The following NEIL3 variants were observed in gnomAD, a reference collection of about 807,000 sequenced individuals.
NEIL3 encodes the protein nei like DNA glycosylase 3.
Under a neutral mutation model 57.5 loss-of-function variants are expected in NEIL3, and 48 were observed. The observed-to-expected ratio is 0.83, with a 90% CI of 0.66 to 1.06. The LOEUF is 1.06. Ranked by LOEUF, NEIL3 falls within the 50% of genes least tolerant of loss-of-function variation. NEIL3 has a pLI of 0.00. For synonymous variants in NEIL3, 261 were observed against 253.2 expected (o/e 1.03, Z -0.29); for missense variants, 717 against 739.1 (o/e 0.97, Z 0.35).
chr4:177,339,559 T>C (rs943166432), intron 4 of NEIL3, among the ~76,000 whole-genome samples: 1 of 152,112 alleles, frequency 6.6e-6, no homozygotes, highest in African/African-American at 2.4e-5. Context: ...ATTGAATAGA[T>C]TGAGGAGGAA....
chr4:177,365,026 A>G (rs754474243), downstream of NEIL3, among the ~76,000 whole-genome samples: 2 of 152,194 alleles, frequency 1.3e-5, no homozygotes, highest in Non-Finnish European at 2.9e-5. Context: ...TGAGATAAAT[A>G]CATCAACACT....
At chr4:177,326,517 T>A (rs1480004907) in intron 2 of NEIL3, among the ~76,000 whole-genome samples, 1 of 152,140 alleles carries the variant, frequency 6.6e-6, no homozygotes, top group African/African-American at 2.4e-5. Context: ...TTTATTCTTT[T>A]TTTTTTTCAA....
intron 2 of NEIL3, among the ~76,000 whole-genome samples, chr4:177,335,338 A>G (rs1560913275): frequency 6.6e-6 from 1 of 152,190 alleles, no homozygotes; most frequent in African/African-American, 2.4e-5. Context: ...ATCTGAGAAA[A>G]TGCCAAGAGA....
At chr4:177,325,655 C>T (rs1734766757) in intron 2 of NEIL3, among the ~76,000 whole-genome samples, 1 of 151,982 alleles carries the variant, frequency 6.6e-6, no homozygotes, top group Non-Finnish European at 1.5e-5. Flanking sequence ...AGTGGTGGTA[C>T]CATTTTACAT....
intron 9 of NEIL3, among the ~76,000 whole-genome samples, chr4:177,361,166 G>A (rs1333436172): frequency 6.6e-5 from 10 of 152,154 alleles, no homozygotes; most frequent in Admixed American, 6.5e-4. Flanking sequence ...TGGCACCATA[G>A]CAATTTAGCT....
At chr4:177,336,017 TAA>T in intron 3 of NEIL3, 89 bp from the exon 4 acceptor site, 1 of 1,141,298 alleles carries the variant, frequency 8.8e-7, no homozygotes, top group Non-Finnish European at 1.3e-6. Flanking sequence ...CTGATTAACA[TAA>T]AGTGCTTATA....
intron 2 of NEIL3, among the ~76,000 whole-genome samples, chr4:177,332,930 A>G (rs966869655): frequency 1.3e-5 from 2 of 152,114 alleles, no homozygotes; most frequent in African/African-American, 4.8e-5. Context: ...AAGAAAATGT[A>G]TGATTTTGTA....
chr4:177,339,825 A>G lies in NEIL3; in HGVS notation c.670A>G (p.Met224Val). The G allele has an allele frequency of 9.9e-6, 16 of 1,613,868 alleles. No individual in the cohort carries two copies. The highest frequency in any genetic ancestry group is 1.3e-5 in the Non-Finnish European group (15 of 1,179,784). Reference protein sequence around the residue: ...TDEQIHHLMKMIRDFSILFYR... With the variant: ...TDEQIHHLMKVIRDFSILFYR... ...TGAACAGATCCATCACCTCATGAAA[A>G]TGATACGTGATTTCAGCATTCTCTT... is the stretch of plus-strand genomic sequence containing the variant. Residue 224 changes from methionine to valine, a missense_variant, in exon 5 of 10, where the codon ATG (methionine) becomes GTG (valine). Coordinates refer to ENST00000264596, the MANE Select transcript of NEIL3 (RefSeq NM_018248.3).
intron 9 of NEIL3, among the ~76,000 whole-genome samples, chr4:177,361,740 A>G (rs1332151525): frequency 6.6e-6 from 1 of 152,122 alleles, no homozygotes; most frequent in African/African-American, 2.4e-5. Context: ...TTCCTAAGGA[A>G]GTTTAATATT....
chr4:177,353,989 C>T (rs1036856324), intron 8 of NEIL3: 1 of 347,650 alleles, frequency 2.9e-6, no homozygotes, highest in Admixed American at 4.7e-5. Flanking sequence ...TGGTCTCAAT[C>T]TCCTGATCTC....
intron 6 of NEIL3, among the ~76,000 whole-genome samples, chr4:177,345,834 T>G (rs2110919372): frequency 6.6e-6 from 1 of 151,382 alleles, no homozygotes; most frequent in South Asian, 2.1e-4. Flanking sequence ...GAATCACAGG[T>G]GCATGCTACC....
chr4:177,328,944 T>C (rs889093224), intron 2 of NEIL3, among the ~76,000 whole-genome samples: 1 of 152,184 alleles, frequency 6.6e-6, no homozygotes, highest in African/African-American at 2.4e-5. Context: ...TTTGAAGATA[T>C]GCATATCATT....
intron 6 of NEIL3, among the ~76,000 whole-genome samples, chr4:177,348,251 G>A (rs1016480392): frequency 6.6e-6 from 1 of 152,142 alleles, no homozygotes. Flanking sequence ...CCCACATGAC[G>A]CCCATGCTGC....
intron 4 of NEIL3, among the ~76,000 whole-genome samples, chr4:177,337,908 A>G (rs375591983): frequency 3.3e-5 from 5 of 152,290 alleles, no homozygotes; most frequent in Non-Finnish European, 7.4e-5. Flanking sequence ...AGTCCCAGCT[A>G]CTGGAGAGGC....
chr4:177,349,631 A>T lies in NEIL3; in HGVS notation c.870-1749A>T, dbSNP rs187189457. ...TAAAGTAACATTTATAGATTCCTGG[A>T]ATTGTGCCCTATGTCTTTGGGAGGC... On this transcript the variant is annotated intron_variant, in intron 6 of 9. Coordinates refer to ENST00000264596, the MANE Select transcript of NEIL3 (RefSeq NM_018248.3). 2.3e-4 allele frequency among the ~76,000 whole-genome samples: 35 copies of T among 152,294 alleles called. No individual in the cohort carries two copies. The East Asian group carries it at 6.8e-3, about 29-fold the overall frequency.
In NEIL3 at chr4:177,351,423, A is replaced by G. The variant is rs762900438; in HGVS notation, c.913A>G (p.Arg305Gly). 3 of 1,613,916 alleles carry G rather than the reference A, an allele frequency of 1.9e-6. No homozygotes were observed. The highest frequency in any genetic ancestry group is 2.5e-6 in the Non-Finnish European group (3 of 1,179,850). ...RNTIISWTSSRVDHVMDSVAR... is the reference protein window; with the variant it reads ...RNTIISWTSSGVDHVMDSVAR... ...TACTATAATCAGTTGGACATCTAGCAGGGTGGATCATGTTATGGACTCCGT... is the reference window on the plus strand; with the variant it reads ...TACTATAATCAGTTGGACATCTAGCGGGGTGGATCATGTTATGGACTCCGT... Residue 305 changes from arginine (R) to glycine (G), a missense_variant, in exon 7 of 10, where the codon AGG (arginine) becomes GGG (glycine). Transcript: ENST00000264596.
At chr4:177,331,373 T>G (rs1448728466) in intron 2 of NEIL3, among the ~76,000 whole-genome samples, 2 of 152,052 alleles carry the variant, frequency 1.3e-5, no homozygotes, top group Non-Finnish European at 2.9e-5. Flanking sequence ...GTATTTTGGT[T>G]TCTCTGCTGA....
chr4:177,361,478 A>G (rs545175425), intron 9 of NEIL3, among the ~76,000 whole-genome samples: 3 of 152,336 alleles, frequency 2.0e-5, no homozygotes, highest in South Asian at 4.1e-4. Context: ...TTCTTAAGGA[A>G]TTTCCCGGGG....
intron 6 of NEIL3, among the ~76,000 whole-genome samples, chr4:177,345,066 C>T (rs151298314): frequency 3.4e-4 from 51 of 152,192 alleles, no homozygotes; most frequent in African/African-American, 1.2e-3. Context: ...TCTCAAAGTG[C>T]TCAAGGGCTA....
Sources: allele counts gnomAD v4.1 joint callset (sites outside exome capture counted in the v4.1 genomes callset), GRCh38; gene constraint gnomAD v4.1.1; transcripts MANE v1.5; gene names NCBI Gene and HGNC (gene_info 2026-07-23, HGNC 2026-07-21).